SUPT3H: variants seen among roughly 807,000 people sequenced by gnomAD.
SUPT3H encodes transcription initiation protein SPT3 homolog.
Under a neutral mutation model 44.3 loss-of-function variants are expected in SUPT3H, and 44 were observed. That is an observed-to-expected ratio of 0.99 (90% CI 0.78 to 1.28). The LOEUF is 1.28. Ranked by LOEUF, SUPT3H falls within the 50% of genes most tolerant of loss-of-function variation. The probability of loss-of-function intolerance (pLI) is 0.00; values close to 1 mark genes in which losing one functional copy is unlikely to be tolerated. For synonymous variants in SUPT3H, 124 were observed against 125.6 expected, an observed-to-expected ratio of 0.99 and a Z score of 0.09; for missense variants, 380 against 387.1, an observed-to-expected ratio of 0.98 and a Z score of 0.15.
chr6:44,893,544 C>T (rs1211898894), intron 10 of SUPT3H, among the ~76,000 whole-genome samples: 7 of 152,362 alleles, frequency 4.6e-5, no homozygotes, highest in Admixed American at 2.0e-4. Context: ...CTACAAAGGA[C>T]GTGAACTCAT....
At chr6:45,158,814 T>C (rs1808443587) in intron 2 of SUPT3H, 2 of 151,992 alleles carry the variant, frequency 1.3e-5, no homozygotes, top group Non-Finnish European at 1.5e-5. Flanking sequence ...AATATGTAGG[T>C]AATGGGAAAA....
At chr6:44,985,212 T>TAAATAAATAAAATAAAATA (rs1554195415) in intron 6 of SUPT3H, among the ~76,000 whole-genome samples, 4 of 113,604 alleles carry the variant, frequency 3.5e-5, no homozygotes, top group African/African-American at 6.9e-5. Flanking sequence ...AATAAATAAA[T>TAAATAAATAAAATAAAATA]AAATAAAATA....
chr6:45,026,867 T>C (rs1241849321), intron 3 of SUPT3H, among the ~76,000 whole-genome samples: 1 of 152,174 alleles, frequency 6.6e-6, no homozygotes, highest in Non-Finnish European at 1.5e-5. Flanking sequence ...GTGTTTATGT[T>C]ATACCAAACT....
chr6:45,346,860 G>A (rs767120710), intron 2 of SUPT3H, among the ~76,000 whole-genome samples: 10 of 152,010 alleles, frequency 6.6e-5, no homozygotes, highest in African/African-American at 1.2e-4. Flanking sequence ...CCATCGCGCC[G>A]GGCCTCAATA....
chr6:45,017,525 A>C (rs996567885), intron 4 of SUPT3H, among the ~76,000 whole-genome samples: 3 of 152,198 alleles, frequency 2.0e-5, no homozygotes, highest in African/African-American at 7.2e-5. Context: ...TTTTTGTATA[A>C]GGAGTAAGGA....
intron 10 of SUPT3H, among the ~76,000 whole-genome samples, chr6:44,900,701 T>A (rs772806544): frequency 1.1e-4 from 17 of 152,138 alleles, no homozygotes; most frequent in Non-Finnish European, 2.2e-4. Flanking sequence ...CAGTTAGAGA[T>A]CTGAGAACCG....
At chr6:44,965,133 C>T (rs143708428) in intron 6 of SUPT3H, among the ~76,000 whole-genome samples, 3 of 152,226 alleles carry the variant, frequency 2.0e-5, no homozygotes, top group Non-Finnish European at 2.9e-5. Flanking sequence ...AAGAAATTAG[C>T]GAGGCCCTGG....
chr6:45,065,262 C>A lies in SUPT3H; in HGVS notation c.186+40660G>T, dbSNP rs369223228. 3.8e-4 allele frequency among the ~76,000 whole-genome samples: 51 copies of A among 132,864 alleles called. 1 individual carries two copies. Among genetic ancestry groups the A allele is most frequent in the Non-Finnish European group, 5.0e-5 (3 of 60,228 alleles). 87.2% of individuals were successfully genotyped at this position (132,864 alleles called of 152,430 possible). A position where few individuals can be genotyped will look rare whatever the true frequency, so the allele number is the denominator to read the frequency against. On this transcript the variant is annotated intron_variant, in intron 3 of 10. Transcript: ENST00000371459. ...AAATAAAGATGTTCTTTGAAACCAACGAGAACAAAGACACAACATACCAGA... is the reference window on the plus strand; with the variant it reads ...AAATAAAGATGTTCTTTGAAACCAAAGAGAACAAAGACACAACATACCAGA...
intron 10 of SUPT3H, among the ~76,000 whole-genome samples, chr6:44,931,342 G>A (rs1006859558): frequency 4.6e-5 from 7 of 151,594 alleles, no homozygotes; most frequent in Admixed American, 1.3e-4. Context: ...GACTGTTTTC[G>A]ATGGATTTGA....
chr6:45,179,783 G>A (rs1391249594), intron 2 of SUPT3H, among the ~76,000 whole-genome samples: 1 of 152,138 alleles, frequency 6.6e-6, no homozygotes, highest in East Asian at 1.9e-4. Flanking sequence ...GGCAAAAACT[G>A]GAAGCATTCC....
At chr6:45,071,255 A>G (rs1214432165) in intron 3 of SUPT3H, among the ~76,000 whole-genome samples, 1 of 152,136 alleles carries the variant, frequency 6.6e-6, no homozygotes, top group East Asian at 1.9e-4. Context: ...ATAGGTCAGT[A>G]AACCAAGGAT....
chr6:45,067,759 T>C (rs1793630489), intron 3 of SUPT3H, among the ~76,000 whole-genome samples: 1 of 143,468 alleles, frequency 7.0e-6, no homozygotes. Context: ...AAAACCACTA[T>C]GAGATACCAT....
At chr6:45,221,107 G>T (rs183395910) in intron 2 of SUPT3H, among the ~76,000 whole-genome samples, 168 of 152,242 alleles carry the variant, frequency 1.1e-3, no homozygotes, top group African/African-American at 3.9e-3. Flanking sequence ...ATTATTCTGA[G>T]CAAACTATCA....
At chr6:45,167,312 T>C (rs1370231721) in intron 2 of SUPT3H, among the ~76,000 whole-genome samples, 2 of 152,224 alleles carry the variant, frequency 1.3e-5, no homozygotes, top group Non-Finnish European at 2.9e-5. Context: ...CAAAGTCTGA[T>C]GGTCTCCTGG....
At chr6:45,090,361 C>T (rs543000973) in intron 3 of SUPT3H, among the ~76,000 whole-genome samples, 1 of 152,026 alleles carries the variant, frequency 6.6e-6, no homozygotes, top group African/African-American at 2.4e-5. Context: ...TAAATAACTT[C>T]ATTCTTGTCT....
intron 2 of SUPT3H, among the ~76,000 whole-genome samples, chr6:45,289,654 T>C (rs187419371): frequency 1.9e-3 from 282 of 152,324 alleles, no homozygotes; most frequent in African/African-American, 6.6e-3. Flanking sequence ...AAAATACTTA[T>C]GCATAAACCA....
chr6:44,980,336 T>G (rs771214909), intron 6 of SUPT3H, among the ~76,000 whole-genome samples: 6 of 151,866 alleles, frequency 4.0e-5, no homozygotes, highest in Non-Finnish European at 8.8e-5. Context: ...AAACAACATA[T>G]AACAAAATCA....
chr6:45,371,041 T>C (rs1462383829), intron 1 of SUPT3H, among the ~76,000 whole-genome samples: 2 of 152,208 alleles, frequency 1.3e-5, no homozygotes, highest in Admixed American at 1.3e-4. Context: ...AACACTGTTG[T>C]TCTTACACAA....
At chr6:44,969,008 C>A (rs1777176083) in intron 6 of SUPT3H, among the ~76,000 whole-genome samples, 1 of 152,198 alleles carries the variant, frequency 6.6e-6, no homozygotes, top group Non-Finnish European at 1.5e-5. Context: ...CCACCCCTCC[C>A]CATCTTCAGG....
Sources: gnomAD v4.1 joint callset for allele counts (sites outside exome capture counted in the v4.1 genomes callset) on GRCh38, gnomAD v4.1.1 for gene constraint, MANE v1.5 for transcripts, NCBI Gene and HGNC (gene_info 2026-07-23, HGNC 2026-07-21) for gene names.